Variants in RBMS3 observed in about 807,000 individuals in gnomAD.
The protein encoded by RBMS3 is RNA binding motif single stranded interacting protein 3, also known as RNA-binding motif, single-stranded-interacting protein 3.
RBMS3 carries 27 observed loss-of-function variants against 66.8 expected under a neutral mutation model. The observed-to-expected ratio is 0.40, with a 90% confidence interval of 0.30 to 0.56. RBMS3 has a LOEUF of 0.56. Ranked by LOEUF, RBMS3 falls within the 20% of genes least tolerant of loss-of-function variation. The pLI is 0.40. For missense variants in RBMS3, 513 were observed against 549.5 expected, an observed-to-expected ratio of 0.93 and a Z score of 0.66; for synonymous variants, 188 against 183.0, an observed-to-expected ratio of 1.03 and a Z score of -0.22.
At chr3:29,837,663 C>T (rs1261522347) in intron 6 of RBMS3, among the ~76,000 whole-genome samples, 5 of 67,660 alleles carry the variant, frequency 7.4e-5, no homozygotes, top group South Asian at 7.3e-4. Flanking sequence ...ATATAATGAA[C>T]ATATATATAT....
chr3:29,855,030 T>C (rs1040256828), intron 6 of RBMS3, among the ~76,000 whole-genome samples: 5 of 152,216 alleles, frequency 3.3e-5, no homozygotes, highest in Admixed American at 6.5e-5. Flanking sequence ...ATCTAACATT[T>C]GTTTTGTGTC....
At chr3:29,885,967 A>G (rs1199119573) in intron 8 of RBMS3, among the ~76,000 whole-genome samples, 1 of 151,902 alleles carries the variant, frequency 6.6e-6, no homozygotes, top group African/African-American at 2.4e-5. Flanking sequence ...TAAAATAAAA[A>G]TTAGCTTTTA....
intron 12 of RBMS3, among the ~76,000 whole-genome samples, chr3:29,966,625 C>T (rs977531874): frequency 7.9e-5 from 12 of 152,256 alleles, no homozygotes; most frequent in Non-Finnish European, 1.3e-4. Flanking sequence ...GGTAAATAAT[C>T]ATATTCTCAG....
At chr3:29,380,095 T>C (rs1477505936) in intron 1 of RBMS3, among the ~76,000 whole-genome samples, 2 of 151,828 alleles carry the variant, frequency 1.3e-5, no homozygotes, top group Non-Finnish European at 2.9e-5. Context: ...GAAGGAAAAT[T>C]TGTGGCTTTT....
chr3:29,645,086 A>G (rs1480738975), intron 4 of RBMS3, among the ~76,000 whole-genome samples: 1 of 152,168 alleles, frequency 6.6e-6, no homozygotes, highest in Non-Finnish European at 1.5e-5. Context: ...TCACAAATAA[A>G]AAGAATACCA....
At chr3:29,985,771 C>A (rs1698345266) in intron 12 of RBMS3, among the ~76,000 whole-genome samples, 2 of 152,136 alleles carry the variant, frequency 1.3e-5, no homozygotes, top group African/African-American at 4.8e-5. Context: ...CTGGGAGATG[C>A]AGACCAGAGC....
chr3:29,454,433 G>A (rs1014200861), intron 2 of RBMS3, among the ~76,000 whole-genome samples: 1 of 152,146 alleles, frequency 6.6e-6, no homozygotes, highest in Admixed American at 6.5e-5. Context: ...ATCTTTGAAA[G>A]GATCTGGTAA....
intron 1 of RBMS3, among the ~76,000 whole-genome samples, chr3:29,424,027 TA>T (rs1342052783): frequency 6.6e-6 from 1 of 152,232 alleles, no homozygotes; most frequent in African/African-American, 2.4e-5. Context: ...TCAATGAGCA[TA>T]AAGCTCTTAG....
chr3:29,998,184 AAT>A (rs1699376514), intron 14 of RBMS3, among the ~76,000 whole-genome samples: 1 of 152,218 alleles, frequency 6.6e-6, no homozygotes, highest in Non-Finnish European at 1.5e-5. Flanking sequence ...AAGAGAATAA[AAT>A]ACCTAGGAAT....
intron 3 of RBMS3, among the ~76,000 whole-genome samples, chr3:29,540,211 T>G (rs1387736626): frequency 2.0e-5 from 3 of 152,222 alleles, no homozygotes; most frequent in Admixed American, 2.0e-4. Flanking sequence ...CATCTGTTCT[T>G]CAAATCAAAA....
At chr3:29,672,818 C>A (rs192315608) in intron 4 of RBMS3, among the ~76,000 whole-genome samples, 1 of 152,154 alleles carries the variant, frequency 6.6e-6, no homozygotes, top group African/African-American at 2.4e-5. Context: ...GCTTAGACTC[C>A]CACACAATAA....
chr3:30,004,956 C>T lies in RBMS3; in HGVS notation c.*1094C>T, dbSNP rs551377079. On this transcript the variant is annotated 3_prime_UTR_variant, in exon 15 of 15. Coordinates refer to ENST00000383767, the MANE Select transcript of RBMS3 (RefSeq NM_001003793.3). The stretch of plus-strand genomic sequence containing the variant: ...TGCAAAAAAAAAAACAAAAAAAAAG[C>T]AATAGATAGAGAAATTGTTGACAAT... 6.8e-6 allele frequency: 1 copy of T among 147,500 alleles called. No homozygotes were observed. The highest frequency in any genetic ancestry group is 1.5e-5 in the Non-Finnish European group (1 of 66,492). 9.1% of individuals were successfully genotyped at this position (147,500 alleles called of 1,614,324 possible). A position where few individuals can be genotyped will look rare whatever the true frequency, so the allele number is the denominator to read the frequency against.
At chr3:29,927,198 G>A (rs930661757) in intron 10 of RBMS3, 2 of 152,220 alleles carry the variant, frequency 1.3e-5, no homozygotes, top group African/African-American at 4.8e-5. Flanking sequence ...CAGAGGAAGT[G>A]TATGAATGGA....
chr3:29,710,080 G>T (rs2053098978), intron 4 of RBMS3, among the ~76,000 whole-genome samples: 1 of 152,146 alleles, frequency 6.6e-6, no homozygotes, highest in Non-Finnish European at 1.5e-5. Context: ...GGCATTACCT[G>T]TTCAAACTTG....
chr3:29,779,848 A>G (rs1487749020), intron 6 of RBMS3, among the ~76,000 whole-genome samples: 5 of 150,936 alleles, frequency 3.3e-5, no homozygotes, highest in African/African-American at 1.2e-4. Context: ...TTACACTTGT[A>G]GACATTTGAG....
intron 3 of RBMS3, among the ~76,000 whole-genome samples, chr3:29,497,203 G>T (rs2043786519): frequency 1.3e-5 from 2 of 151,830 alleles, no homozygotes. Flanking sequence ...TAGAGACGGG[G>T]TTTCACTGTA....
chr3:29,471,823 C>A (rs1052443230), intron 2 of RBMS3, among the ~76,000 whole-genome samples: 6 of 145,058 alleles, frequency 4.1e-5, no homozygotes, highest in Non-Finnish European at 8.9e-5. Flanking sequence ...AATTTATTCT[C>A]ATCTCTAATG....
chr3:29,937,856 T>C (rs1319128164), intron 11 of RBMS3, among the ~76,000 whole-genome samples: 1 of 151,986 alleles, frequency 6.6e-6, no homozygotes, highest in East Asian at 1.9e-4. Context: ...TCAGAAGGCC[T>C]GCAGTTTCTT....
chr3:29,622,870 G>GCA (rs2048914851), intron 4 of RBMS3, among the ~76,000 whole-genome samples: 1 of 152,144 alleles, frequency 6.6e-6, no homozygotes, highest in South Asian at 2.1e-4. Flanking sequence ...TGTAATCCCA[G>GCA]TTTTGGGAGG....
Sources: gnomAD v4.1 joint callset for allele counts (sites outside exome capture counted in the v4.1 genomes callset) on GRCh38, gnomAD v4.1.1 for gene constraint, MANE v1.5 for transcripts, NCBI Gene and HGNC (gene_info 2026-07-23, HGNC 2026-07-21) for gene names.